ASIC2: variants seen among roughly 807,000 people sequenced by gnomAD.
ASIC2 encodes the protein acid-sensing ion channel 2.
ASIC2 carries 25 observed loss-of-function variants against 57.3 expected under a neutral mutation model. The ratio of observed to expected loss-of-function variants is 0.44; its 90% CI spans 0.32 to 0.61. ASIC2 has a LOEUF of 0.61. Ranked by LOEUF, ASIC2 falls within the 20% of genes least tolerant of loss-of-function variation. The pLI, the probability that ASIC2 is intolerant of heterozygous loss-of-function variation, is 0.06. For synonymous variants in ASIC2, 319 were observed against 307.5 expected, an observed-to-expected ratio of 1.04 and a Z score of -0.39; for missense variants, 641 against 738.1, an observed-to-expected ratio of 0.87 and a Z score of 1.52.
chr17:33,217,167 T>C (rs1056401676), intron 1 of ASIC2, among the ~76,000 whole-genome samples: 1 of 152,222 alleles, frequency 6.6e-6, no homozygotes, highest in Non-Finnish European at 1.5e-5. Context: ...GCCCCTGCTC[T>C]TGGACAGCAA....
chr17:33,801,146 C>G lies in ASIC2; in HGVS notation c.555+354832G>C, dbSNP rs537229330. 2.0e-5 allele frequency among the ~76,000 whole-genome samples: 3 copies of G among 152,268 alleles called. No individual in the cohort carries two copies. The South Asian group carries it at 6.2e-4, about 32-fold the overall frequency. On this transcript the variant is annotated intron_variant, in intron 1 of 9. Coordinates refer to the ASIC2 transcript ENST00000359872. The stretch of plus-strand genomic sequence containing the variant: ...GTGGCCTGGAGAACTAGACTTGAAG[C>G]TGGTATCATTCACTCACACCTCTGG...
intron 2 of ASIC2, among the ~76,000 whole-genome samples, chr17:33,095,144 C>T (rs898752520): frequency 1.3e-5 from 2 of 152,302 alleles, no homozygotes; most frequent in East Asian, 3.9e-4. Flanking sequence ...GCAGTGTCAT[C>T]ATCACCATCA....
intron 1 of ASIC2, among the ~76,000 whole-genome samples, chr17:33,669,979 G>A (rs1390766710): frequency 2.0e-5 from 3 of 152,194 alleles, no homozygotes; most frequent in Admixed American, 6.5e-5. Context: ...TGGGCTTCCT[G>A]TAGAGACAGT....
intron 1 of ASIC2, among the ~76,000 whole-genome samples, chr17:33,617,640 G>A (rs558908813): frequency 4.6e-5 from 7 of 152,232 alleles, no homozygotes; most frequent in Non-Finnish European, 1.0e-4. Flanking sequence ...CATGTACCCC[G>A]GACCTAAAAT....
intron 1 of ASIC2, among the ~76,000 whole-genome samples, chr17:33,677,020 C>T (rs1329649424): frequency 6.6e-6 from 1 of 152,220 alleles, no homozygotes; most frequent in Non-Finnish European, 1.5e-5. Context: ...GCTCCTGCTT[C>T]CCCTTCCACT....
At chr17:33,802,614 C>T (rs1315972038) in intron 1 of ASIC2, among the ~76,000 whole-genome samples, 1 of 152,196 alleles carries the variant, frequency 6.6e-6, no homozygotes, top group Non-Finnish European at 1.5e-5. Flanking sequence ...ATAGCAACTC[C>T]CAGTCTGCCC....
intron 1 of ASIC2, among the ~76,000 whole-genome samples, chr17:33,144,420 G>A (rs975357353): frequency 6.6e-6 from 1 of 151,990 alleles, no homozygotes; most frequent in Non-Finnish European, 1.5e-5. Context: ...AAGCAAAAGT[G>A]GAGTCCCTAC....
chr17:34,015,465 G>C (rs533528577), intron 1 of ASIC2, among the ~76,000 whole-genome samples: 1 of 152,318 alleles, frequency 6.6e-6, no homozygotes, highest in South Asian at 2.1e-4. Flanking sequence ...AGTGCCATCC[G>C]GCCAGGCCAT....
chr17:34,091,870 T>C (rs1910345063), intron 1 of ASIC2, among the ~76,000 whole-genome samples: 1 of 152,208 alleles, frequency 6.6e-6, no homozygotes, highest in Non-Finnish European at 1.5e-5. Context: ...TTTTATTAGC[T>C]ACATGACCTT....
intron 1 of ASIC2, among the ~76,000 whole-genome samples, chr17:33,576,334 A>C (rs750484837): frequency 6.6e-6 from 1 of 152,180 alleles, no homozygotes; most frequent in Non-Finnish European, 1.5e-5. Flanking sequence ...GACCTCATGC[A>C]AGGCCCTCTC....
chr17:33,908,700 C>T (rs1396803073), intron 1 of ASIC2, among the ~76,000 whole-genome samples: 4 of 152,334 alleles, frequency 2.6e-5, no homozygotes, highest in Non-Finnish European at 4.4e-5. Flanking sequence ...CTGTGAGAAA[C>T]ATTACCTTTC....
At chr17:33,375,725 C>G (rs1039093320) in intron 1 of ASIC2, among the ~76,000 whole-genome samples, 5 of 152,062 alleles carry the variant, frequency 3.3e-5, no homozygotes, top group Non-Finnish European at 7.4e-5. Context: ...GAGAAGTAGT[C>G]AAAGTCTGGA....
At chr17:33,930,864 T>C (rs1915916129) in intron 1 of ASIC2, among the ~76,000 whole-genome samples, 6 of 152,294 alleles carry the variant, frequency 3.9e-5, no homozygotes, top group Middle Eastern at 3.4e-3. Flanking sequence ...ATTTTACAAC[T>C]CCCTTGTTTC....
chr17:33,949,832 G>C (rs1904501590), intron 1 of ASIC2, among the ~76,000 whole-genome samples: 1 of 152,228 alleles, frequency 6.6e-6, no homozygotes, highest in Non-Finnish European at 1.5e-5. Flanking sequence ...CAAAGGCTTA[G>C]TGAGGATTAA....
intron 2 of ASIC2, among the ~76,000 whole-genome samples, chr17:33,111,664 C>A (rs2092258551): frequency 6.6e-6 from 1 of 151,570 alleles, no homozygotes. Context: ...TTCCCCCATG[C>A]CTTCCTTCCC....
chr17:33,973,347 A>T (rs1457367033), intron 1 of ASIC2, among the ~76,000 whole-genome samples: 1 of 152,174 alleles, frequency 6.6e-6, no homozygotes, highest in African/African-American at 2.4e-5. Flanking sequence ...CTAGCTTCCC[A>T]TTCAGGTGCA....
chr17:33,885,126 G>C (rs1914798648), intron 1 of ASIC2, among the ~76,000 whole-genome samples: 2 of 152,136 alleles, frequency 1.3e-5, no homozygotes, highest in Admixed American at 1.3e-4. Context: ...CTAACAGGGA[G>C]GCAAGGTTGT....
At chr17:33,137,808 A>G (rs1391096767) in intron 1 of ASIC2, among the ~76,000 whole-genome samples, 1 of 152,166 alleles carries the variant, frequency 6.6e-6, no homozygotes, top group Non-Finnish European at 1.5e-5. Context: ...CAAGTTCCTC[A>G]CCTGACTTGT....
At chr17:33,341,026 G>A (rs1342843984) in intron 1 of ASIC2, among the ~76,000 whole-genome samples, 1 of 152,160 alleles carries the variant, frequency 6.6e-6, no homozygotes, top group Non-Finnish European at 1.5e-5. Flanking sequence ...AACTGCAGTT[G>A]ACAAGGAAGA....
Sources: gnomAD v4.1 joint callset for allele counts (sites outside exome capture counted in the v4.1 genomes callset) on GRCh38, gnomAD v4.1.1 for gene constraint, MANE v1.5 for transcripts, NCBI Gene and HGNC (gene_info 2026-07-23, HGNC 2026-07-21) for gene names.